The following TLR1 variants were observed in gnomAD, a reference collection of about 807,000 sequenced individuals.
TLR1 encodes toll-like receptor 1.
In TLR1, 19 loss-of-function variants were observed where a neutral mutation model predicts 20.2. That is an observed-to-expected ratio of 0.94 (90% CI 0.66 to 1.38). The LOEUF (loss-of-function observed/expected upper bound fraction) is 1.38. Ranked by LOEUF, TLR1 falls within the 40% of genes most tolerant of loss-of-function variation. The pLI is 0.00. For missense variants in TLR1, 921 were observed against 910.0 expected (o/e 1.01, Z -0.16); for synonymous variants, 320 against 334.5 (o/e 0.96, Z 0.47).
intron 2 of TLR1, among the ~76,000 whole-genome samples, chr4:38,803,036 G>C (rs372370034): frequency 1.1e-4 from 17 of 152,292 alleles, no homozygotes; most frequent in African/African-American, 4.1e-4. Flanking sequence ...TGTACCCAGA[G>C]AGAGAAAGAG....
chr4:38,799,566 T>C (rs1726488970), intron 3 of TLR1, among the ~76,000 whole-genome samples: 1 of 152,188 alleles, frequency 6.6e-6, no homozygotes, highest in Non-Finnish European at 1.5e-5. Context: ...AGGAAACTAA[T>C]ACAGGTGGGT....
At chr4:38,801,013 C>T (rs1726603226) in intron 2 of TLR1, 65 bp from the exon 3 acceptor site, 1 of 152,598 alleles carries the variant, frequency 6.6e-6, no homozygotes, top group Admixed American at 6.5e-5. Context: ...GTTTTTATGA[C>T]ATTAACTGTA....
At chr4:38,795,981 TG>T (rs1489080439), downstream of TLR1, among the ~76,000 whole-genome samples, 2 of 152,016 alleles carry the variant, frequency 1.3e-5, no homozygotes, top group Non-Finnish European at 2.9e-5. Flanking sequence ...GGCATGATGG[TG>T]GGGGGTTGGG....
At chr4:38,799,738 C>G (rs553570923) in intron 3 of TLR1, among the ~76,000 whole-genome samples, 1 of 152,264 alleles carries the variant, frequency 6.6e-6, no homozygotes, top group South Asian at 2.1e-4. Flanking sequence ...CCCTTTATGA[C>G]CTATACACGG....
chr4:38,799,282 C>G (rs1425293592), intron 3 of TLR1, among the ~76,000 whole-genome samples: 1 of 152,096 alleles, frequency 6.6e-6, no homozygotes, highest in Non-Finnish European at 1.5e-5. Context: ...TCCATAAATC[C>G]AATGACAAGT....
In TLR1 at chr4:38,798,737, G is replaced by T; in HGVS notation, c.95C>A (p.Ser32Ter). 3 of 1,612,786 alleles carry T rather than the reference G, an allele frequency of 1.9e-6. No homozygotes were observed. The South Asian group carries it at 3.3e-5, about 18-fold the overall frequency. ...SEESEFLVDR[S>*]KNGLIHVPKD... ...AGGAACGTGGATGAGACCGTTTTTT[G>T]ACCTATCAACTAAAAATTCACTTTC... The change falls in exon 4 of 4, where the codon TCA (serine) becomes TAA (stop). Residue 32 changes from serine to a stop codon, truncating the protein, a stop_gained. Coordinates refer to ENST00000308979, the MANE Select transcript of TLR1 (RefSeq NM_003263.4). LOFTEE classifies it low-confidence loss of function (END_TRUNC).
downstream of TLR1, chr4:38,791,337 G>A (rs535185381): frequency 8.2e-4 from 125 of 152,298 alleles, no homozygotes; most frequent in African/African-American, 2.9e-3. Flanking sequence ...GCATTAATGA[G>A]GTTGAAATTT....
At position 38,796,489 on chromosome 4, in the gene TLR1, T is replaced by C. The variant is rs144733677; in HGVS notation, c.2343A>G (p.Thr781=). The C allele has an allele frequency of 8.7e-6, 14 of 1,606,722 alleles. No homozygotes were observed. The African/African-American group carries it at 1.7e-4, about 20-fold the overall frequency. The part of the protein sequence containing the change: ...NLRAAINIKL[T]EQAKK ...GTGTAATCTATTTCTTTGCTTGCTC[T>C]GTCAGCTTAATATTAATGGCTGCCC... Residue 781 remains threonine, a synonymous_variant, in exon 4 of 4, where the codon ACA becomes ACG. Coordinates refer to ENST00000308979, the MANE Select transcript of TLR1 (RefSeq NM_003263.4).
At chr4:38,802,058 G>A (rs998639999) in intron 2 of TLR1, among the ~76,000 whole-genome samples, 5 of 152,142 alleles carry the variant, frequency 3.3e-5, no homozygotes, top group East Asian at 1.9e-4. Flanking sequence ...TTAGCCGGGC[G>A]TGATGGCAGG....
chr4:38,802,506 G>A (rs1307322649), intron 2 of TLR1, among the ~76,000 whole-genome samples: 1 of 152,208 alleles, frequency 6.6e-6, no homozygotes, highest in Non-Finnish European at 1.5e-5. Flanking sequence ...CCAAGGGCTG[G>A]CAGGCCACTG....
chr4:38,795,547 A>C (rs2109339493), downstream of TLR1, among the ~76,000 whole-genome samples: 1 of 152,354 alleles, frequency 6.6e-6, no homozygotes, highest in South Asian at 2.1e-4. Context: ...ATGTTAGTTC[A>C]TACAACCAGA....
intron 2 of TLR1, among the ~76,000 whole-genome samples, chr4:38,802,664 C>A (rs1487990606): frequency 6.6e-6 from 1 of 152,234 alleles, no homozygotes; most frequent in African/African-American, 2.4e-5. Flanking sequence ...TCCAAGTGTA[C>A]TTTATTTCCT....
downstream of TLR1, among the ~76,000 whole-genome samples, chr4:38,795,436 C>T (rs1725978470): frequency 6.6e-6 from 1 of 152,226 alleles, no homozygotes; most frequent in Non-Finnish European, 1.5e-5. Flanking sequence ...TCTGCTCATG[C>T]TCTACTTTAA....
At chr4:38,793,920 A>C (rs1270427524), downstream of TLR1, among the ~76,000 whole-genome samples, 1 of 152,084 alleles carries the variant, frequency 6.6e-6, no homozygotes, top group African/African-American at 2.4e-5. Context: ...AGAGACAGAC[A>C]GGCATAGAGG....
Position 38,798,017 on chromosome 4 carries a change from G to C in TLR1, c.815C>G (p.Thr272Ser), listed in dbSNP as rs200269582. Residue 272 changes from threonine to serine, a missense_variant, in exon 4 of 4, where the codon ACT (threonine) becomes AGT (serine). Transcript: ENST00000308979. ...IRILQLVWHT[T>S]VWYFSISNVK... ...GTTTGAAATTGAGAAATACCATACA[G>C]TTGTATGCCAAACCAGCTGGAGGAT... 246 of 1,614,008 alleles carry C rather than the reference G, an allele frequency of 1.5e-4. No homozygotes were observed. The highest frequency in any genetic ancestry group is 2.0e-4 in the Non-Finnish European group (241 of 1,180,014).
rs145802478 is a variant in TLR1 at position 38,796,621 on chromosome 4, G to A, written c.2211C>T (p.Tyr737=). The A allele has an allele frequency of 1.2e-6, 2 of 1,614,190 alleles. No individual in the cohort carries two copies. The highest frequency in any genetic ancestry group is 2.2e-5 in the South Asian group (2 of 91,088). Residue 737 remains tyrosine, a synonymous_variant, in exon 4 of 4, where the codon TAC becomes TAT. Coordinates refer to ENST00000308979, the MANE Select transcript of TLR1 (RefSeq NM_003263.4). ...ILILLEPIPQ[Y]SIPSSYHKLK... The stretch of plus-strand genomic sequence containing the variant: ...GCTTGTGATAACTGCTAGGAATGGA[G>A]TACTGCGGAATGGGTTCCAGCAAGA...
rs766987201 is a variant in TLR1 at position 38,797,938 on chromosome 4, G to A, written c.894C>T (p.Ser298=). The change falls in exon 4 of 4, where the codon TCC becomes TCT. Residue 298 remains serine, a synonymous_variant. Transcript: ENST00000308979. ...DFRDFDYSGT[S]LKALSIHQVV... is the part of the protein sequence containing the mutation. ...CTTGGTGTATAGACAAGGCCTTCAA[G>A]GAAGTGCCAGAATAATCAAAATCTC... 6.2e-7 allele frequency: 1 copy of A among 1,614,178 alleles called. No individual in the cohort carries two copies. The highest frequency in any genetic ancestry group is 1.1e-5 in the South Asian group (1 of 91,084).
In TLR1 at chr4:38,797,652, T is replaced by A. The variant is rs763075657; in HGVS notation, c.1180A>T (p.Thr394Ser). The A allele has an allele frequency of 6.2e-7, 1 of 1,613,902 alleles. No homozygotes were observed. The highest frequency in any genetic ancestry group is 1.1e-5 in the South Asian group (1 of 91,068). ...TGTTGCAGAGACTTCATCTGTGTAG[T>A]CATTTCAGCTATTTTTGAAAGTTCT... ...LKELSKIAEM[T>S]TQMKSLQQLD... The change falls in exon 4 of 4, where the codon ACT becomes TCT. Residue 394 changes from threonine (T) to serine (S), a missense_variant. Coordinates refer to ENST00000308979, the MANE Select transcript of TLR1 (RefSeq NM_003263.4).
downstream of TLR1, among the ~76,000 whole-genome samples, chr4:38,788,244 G>T (rs527306973): frequency 6.6e-6 from 1 of 152,030 alleles, no homozygotes; most frequent in East Asian, 1.9e-4. Flanking sequence ...AGGATGGAAG[G>T]CAAAGAACAA....
Sources: gnomAD v4.1 joint callset for allele counts (sites outside exome capture counted in the v4.1 genomes callset) on GRCh38, gnomAD v4.1.1 for gene constraint, MANE v1.5 for transcripts, NCBI Gene and HGNC (gene_info 2026-07-23, HGNC 2026-07-21) for gene names.